RIC8B: variants seen among roughly 807,000 people sequenced by gnomAD.
RIC8B encodes chaperone Ric-8B.
RIC8B carries 16 observed loss-of-function variants against 57.5 expected under a neutral mutation model. That is an observed-to-expected ratio of 0.28 (90% CI 0.19 to 0.42). RIC8B has a LOEUF of 0.42. Ranked by LOEUF, RIC8B falls within the 10% of genes least tolerant of loss-of-function variation. RIC8B has a pLI of 1.00. For missense variants in RIC8B, 481 were observed against 677.0 expected (o/e 0.71, Z 3.21); for synonymous variants, 216 against 250.8 (o/e 0.86, Z 1.31).
At chr12:106,807,623 G>A (rs1042010155) in intron 2 of RIC8B, among the ~76,000 whole-genome samples, 3 of 152,214 alleles carry the variant, frequency 2.0e-5, no homozygotes, top group Admixed American at 2.0e-4. Flanking sequence ...GGGGAATATG[G>A]TGTAGCTAGG....
At chr12:106,864,206 A>G (rs77178584) in intron 8 of RIC8B, among the ~76,000 whole-genome samples, 2,416 of 152,206 alleles carry the variant, frequency 0.016, 23 homozygotes, top group African/African-American at 0.03. Flanking sequence ...ATCTCTTCAA[A>G]ATATATCTGA....
rs1276148028 is a variant in RIC8B at position 106,868,469 on chromosome 12, G to A, written c.1452-2354G>A. 1.1e-5 allele frequency: 4 copies of A among 351,570 alleles called. No homozygotes were observed. In the East Asian group the frequency reaches 3.0e-4, roughly 26 times the overall value. The allele number at this position is 351,570 out of a possible 1,614,324, so 21.8% of individuals were successfully genotyped here. A position where few individuals can be genotyped will look rare whatever the true frequency, so the allele number is the denominator to read the frequency against. On this transcript the variant is annotated intron_variant, in intron 8 of 9. Transcript: ENST00000392837. ...CCTTTATTCATTTATAAGACTAGTT[G>A]TTTTTCTAATTTAACAGGTGGCAGA... is the stretch of plus-strand genomic sequence containing the variant.
At chr12:106,850,981 C>T (rs892585559) in intron 6 of RIC8B, among the ~76,000 whole-genome samples, 4 of 151,966 alleles carry the variant, frequency 2.6e-5, no homozygotes, top group Non-Finnish European at 4.4e-5. Context: ...AATAGAAGTC[C>T]GAAGCACTTC....
chr12:106,876,211 T>C (rs1368366269), intron 9 of RIC8B, among the ~76,000 whole-genome samples: 1 of 152,126 alleles, frequency 6.6e-6, no homozygotes, highest in African/African-American at 2.4e-5. Context: ...ATGTGGTTAG[T>C]CCAAATTGGG....
At chr12:106,812,366 A>G (rs910447923) in intron 2 of RIC8B, among the ~76,000 whole-genome samples, 4 of 150,844 alleles carry the variant, frequency 2.7e-5, no homozygotes, top group Non-Finnish European at 4.4e-5. Context: ...GGCTATTCCA[A>G]TTTGTCTTCA....
intron 2 of RIC8B, among the ~76,000 whole-genome samples, chr12:106,814,319 G>T (rs888904964): frequency 6.6e-6 from 1 of 152,118 alleles, no homozygotes; most frequent in African/African-American, 2.4e-5. Flanking sequence ...TAGCTAAAGG[G>T]GGTTCAAGGG....
intron 4 of RIC8B, among the ~76,000 whole-genome samples, chr12:106,837,648 T>TG (rs917857740): frequency 1.3e-5 from 2 of 148,498 alleles, no homozygotes; most frequent in Admixed American, 6.7e-5. Flanking sequence ...TGTTTTTTTT[T>TG]TTTTTTTTTT....
intron 3 of RIC8B, among the ~76,000 whole-genome samples, chr12:106,824,234 T>A (rs1008897249): frequency 3.9e-5 from 6 of 152,238 alleles, no homozygotes; most frequent in Non-Finnish European, 7.3e-5. Context: ...GCATATCATC[T>A]TCTTTAATCC....
chr12:106,844,866 T>C (rs1768225132), intron 6 of RIC8B, among the ~76,000 whole-genome samples: 1 of 152,190 alleles, frequency 6.6e-6, no homozygotes. Context: ...TTTTTAAACT[T>C]TCAGATTATA....
chr12:106,848,064 C>G (rs1484655875), intron 6 of RIC8B, among the ~76,000 whole-genome samples: 1 of 151,854 alleles, frequency 6.6e-6, no homozygotes, highest in Non-Finnish European at 1.5e-5. Flanking sequence ...GGAGGTGTTG[C>G]AAAAAGAGAG....
At chr12:106,834,897 T>C (rs2046519065) in intron 4 of RIC8B, among the ~76,000 whole-genome samples, 1 of 139,476 alleles carries the variant, frequency 7.2e-6, no homozygotes, top group South Asian at 2.2e-4. Context: ...GGCAGGAGAA[T>C]GGCGTGAACC....
At chr12:106,812,063 G>A (rs2045358463) in intron 2 of RIC8B, among the ~76,000 whole-genome samples, 1 of 151,716 alleles carries the variant, frequency 6.6e-6, no homozygotes, top group South Asian at 2.1e-4. Context: ...CGTGTTTTTG[G>A]TTCTAAAAAT....
intron 2 of RIC8B, among the ~76,000 whole-genome samples, chr12:106,803,344 T>C (rs2044841173): frequency 6.6e-6 from 1 of 152,166 alleles, no homozygotes; most frequent in Admixed American, 6.5e-5. Context: ...TAGAATCTTT[T>C]GTACTGCTAG....
chr12:106,823,872 G>A (rs1038509718), intron 3 of RIC8B, among the ~76,000 whole-genome samples: 4 of 152,048 alleles, frequency 2.6e-5, no homozygotes, highest in African/African-American at 9.7e-5. Context: ...TTTTAGTAGA[G>A]ACGGGGTTTC....
intron 8 of RIC8B, chr12:106,868,245 G>A: frequency 2.2e-6 from 1 of 455,686 alleles, no homozygotes; most frequent in Middle Eastern, 3.3e-4. Context: ...GTGATCATGT[G>A]TGCAAATGTC....
At chr12:106,838,337 T>C (rs2046711358) in intron 4 of RIC8B, among the ~76,000 whole-genome samples, 1 of 152,066 alleles carries the variant, frequency 6.6e-6, no homozygotes, top group Non-Finnish European at 1.5e-5. Context: ...CAAAATAGAT[T>C]AAAGACTTAA....
chr12:106,810,143 T>C (rs2045269447), intron 2 of RIC8B, among the ~76,000 whole-genome samples: 2 of 148,032 alleles, frequency 1.4e-5, no homozygotes, highest in Non-Finnish European at 3.0e-5. Flanking sequence ...CTGTGAGATA[T>C]GGATGTTATT....
intron 2 of RIC8B, among the ~76,000 whole-genome samples, chr12:106,792,596 C>T (rs1039127228): frequency 1.3e-5 from 2 of 152,030 alleles, no homozygotes; most frequent in Non-Finnish European, 2.9e-5. Flanking sequence ...GAAATAGTCC[C>T]AAAGGCATAC....
At position 106,867,541 on chromosome 12, in the gene RIC8B, C is replaced by T. The variant is rs1170636463; in HGVS notation, c.1452-3282C>T. ...GTTAAGATTGAAACCTGGACTGTGG[C>T]GTCTCAGACTGTACTATTTGAGGTT... On this transcript the variant is annotated intron_variant, in intron 8 of 9. Coordinates refer to ENST00000392837, the MANE Select transcript of RIC8B (RefSeq NM_001330145.2). This position sits in a 1 kb window ranked among gnomAD's most constrained non-coding sequence, Gnocchi z 4.3. 2.6e-5 allele frequency among the ~76,000 whole-genome samples: 4 copies of T among 152,170 alleles called. No homozygotes were observed. The highest frequency in any genetic ancestry group is 4.1e-4 in the South Asian group (2 of 4,826).
Sources: gnomAD v4.1 joint callset for allele counts (sites outside exome capture counted in the v4.1 genomes callset) on GRCh38, gnomAD v4.1.1 for gene constraint, Gnocchi (gnomAD v3.1) non-coding constraint, MANE v1.5 for transcripts, NCBI Gene and HGNC (gene_info 2026-07-23, HGNC 2026-07-21) for gene names.